Variants in USP4 observed in about 807,000 individuals in gnomAD.
USP4 encodes ubiquitin specific peptidase 4, also known as ubiquitin carboxyl-terminal hydrolase 4.
Under a neutral mutation model 118.2 loss-of-function variants are expected in USP4, and 72 were observed. The observed-to-expected ratio is 0.61, with a 90% CI of 0.50 to 0.74. The LOEUF (loss-of-function observed/expected upper bound fraction) is 0.74. Ranked by LOEUF, USP4 falls within the 30% of genes least tolerant of loss-of-function variation. The probability of loss-of-function intolerance (pLI) is 0.00; values close to 1 mark genes in which losing one functional copy is unlikely to be tolerated. For synonymous variants in USP4, 415 were observed against 440.4 expected (o/e 0.94, Z 0.72); for missense variants, 1,037 against 1,185.7 (o/e 0.87, Z 1.84).
intron 19 of USP4, 42 bp from the exon 20 acceptor site, chr3:49,280,889 CCAAA>C (rs780032222): frequency 1.1e-4 from 166 of 1,572,210 alleles, no homozygotes; most frequent in Non-Finnish European, 1.4e-4. Flanking sequence ...TATGTTAAAC[CCAAA>C]CAAAGTAGTT....
chr3:49,338,936 A>C (rs1298107651), intron 1 of USP4, among the ~76,000 whole-genome samples: 1 of 152,132 alleles, frequency 6.6e-6, no homozygotes, highest in East Asian at 1.9e-4. Context: ...TCATAAGGTC[A>C]AGAGTTTGAG....
Position 49,300,584 on chromosome 3 carries a change from A to G in USP4, c.1395T>C (p.Ala465=). The G allele has an allele frequency of 6.2e-7, 1 of 1,614,256 alleles. No individual in the cohort carries two copies. Among genetic ancestry groups the G allele is most frequent in the Non-Finnish European group, 8.5e-7 (1 of 1,180,048 alleles). Residue 465 remains alanine (A), a synonymous_variant, in exon 11 of 22, where the codon GCT becomes GCC. Transcript: ENST00000265560. ...ATGGGTCAAAGGTCACAGAAACCTT[A>G]GCACATTCTGGGCAAACCAAAGTAG... The part of the protein sequence containing the change: ...FKSTLVCPEC[A]KVSVTFDPFC...
chr3:49,282,972 T>C (rs1168596681), intron 19 of USP4, among the ~76,000 whole-genome samples: 1 of 149,486 alleles, frequency 6.7e-6, no homozygotes, highest in African/African-American at 2.5e-5. Flanking sequence ...CCTCCCACAG[T>C]GCTGGGATTA....
At chr3:49,291,472 G>A (rs1352349927) in intron 15 of USP4, among the ~76,000 whole-genome samples, 1 of 151,556 alleles carries the variant, frequency 6.6e-6, no homozygotes, top group East Asian at 2.0e-4. Flanking sequence ...CTACTTGGGA[G>A]GCTGAGGTAG....
intron 6 of USP4, among the ~76,000 whole-genome samples, chr3:49,313,579 G>A (rs2047408218): frequency 2.0e-5 from 3 of 151,964 alleles, no homozygotes; most frequent in Admixed American, 2.0e-4. Flanking sequence ...CAAAAAGGCT[G>A]GATGCAAATT....
In USP4 at chr3:49,300,674, G is replaced by C; in HGVS notation, c.1305C>G (p.Ala435=). 3 of 1,614,082 alleles carry C rather than the reference G, an allele frequency of 1.9e-6. No individual in the cohort carries two copies. The South Asian group carries it at 3.3e-5, about 18-fold the overall frequency. ...CATTCCTCAACCTGTGATTCTCCCA[G>C]GCTTCCTTTGCCACCACCTGCGTCA... The part of the protein sequence containing the change: ...GRPDAVVAKE[A]WENHRLRNDS... Residue 435 remains alanine (A), a synonymous_variant, in exon 11 of 22, where the codon GCC becomes GCG. Coordinates refer to ENST00000265560, the MANE Select transcript of USP4 (RefSeq NM_003363.4).
At chr3:49,285,006 C>T (rs968876545) in intron 16 of USP4, 87 bp from the exon 17 acceptor site, 1 of 959,348 alleles carries the variant, frequency 1.0e-6, no homozygotes, top group African/African-American at 1.6e-5. Flanking sequence ...GGACCACACT[C>T]AGGCCACACC....
chr3:49,282,279 AT>A (rs922185113), intron 19 of USP4, among the ~76,000 whole-genome samples: 200 of 147,164 alleles, frequency 1.4e-3, no homozygotes, highest in African/African-American at 2.8e-3. Context: ...AAGATAAAGA[AT>A]TTTTTTTTTT....
At chr3:49,318,922 AAAAC>A (rs1317427723) in intron 6 of USP4, 2 of 151,654 alleles carry the variant, frequency 1.3e-5, no homozygotes, top group Non-Finnish European at 2.9e-5. Context: ...AAAAAAAAAA[AAAAC>A]AAACCACCAT....
At chr3:49,289,122 AC>A (rs1365713909) in intron 15 of USP4, among the ~76,000 whole-genome samples, 4 of 152,050 alleles carry the variant, frequency 2.6e-5, no homozygotes. Flanking sequence ...AAACAAAAAA[AC>A]CTTTGTGCTT....
rs539165473 is a variant in USP4, at chr3:49,339,178, C to T, written c.101+746G>A. ...AAAACAAAACAAACAAGATGGGTAA[C>T]AATCATACTCGATGCAAAGTCTAGC... is the stretch of plus-strand genomic sequence containing the variant. On this transcript the variant is annotated intron_variant, in intron 1 of 21. Coordinates refer to ENST00000265560, the MANE Select transcript of USP4 (RefSeq NM_003363.4). 3.3e-5 allele frequency among the ~76,000 whole-genome samples: 5 copies of T among 152,236 alleles called. No homozygotes were observed. The South Asian group carries it at 1.0e-3, about 32-fold the overall frequency.
At chr3:49,317,309 C>CGT in intron 6 of USP4, 1 of 1,423,714 alleles carries the variant, frequency 7.0e-7, no homozygotes, top group Non-Finnish European at 9.8e-7. Context: ...GCCAGCTTCT[C>CGT]TGTCAGCTGC....
intron 10 of USP4, 25 bp downstream of exon 10, chr3:49,302,359 C>T: frequency 1.9e-6 from 3 of 1,608,102 alleles, no homozygotes; most frequent in Non-Finnish European, 1.7e-6. Context: ...GGCATATTAT[C>T]ATTCAGACAT....
At chr3:49,285,385 G>A in intron 16 of USP4, among the ~76,000 whole-genome samples, 1 of 152,112 alleles carries the variant, frequency 6.6e-6, no homozygotes, top group Non-Finnish European at 1.5e-5. Context: ...GGAGAGAGGG[G>A]AAGATTAAGC....
rs561679598 is a variant in USP4 at position 49,313,483 on chromosome 3, G to A, written c.696-1829C>T. 3.0e-4 allele frequency among the ~76,000 whole-genome samples: 46 copies of A among 152,028 alleles called. 1 individual carries two copies. Among genetic ancestry groups the A allele is most frequent in the Admixed American group, 2.4e-3 (36 of 15,240 alleles). On this transcript the variant is annotated intron_variant, in intron 6 of 21. Coordinates refer to ENST00000265560, the MANE Select transcript of USP4 (RefSeq NM_003363.4). Reference sequence around the variant, plus strand: ...GCGGAGGTTGTAGTGGGCCGAGATCGTGCCATTGCATTCCAGCCTGGGCAA... The same window carrying A: ...GCGGAGGTTGTAGTGGGCCGAGATCATGCCATTGCATTCCAGCCTGGGCAA...
chr3:49,317,542 GTTT>G (rs71077785), intron 6 of USP4: 1,749 of 501,924 alleles, frequency 3.5e-3, no homozygotes, highest in East Asian at 6.2e-3. Flanking sequence ...TTGTTTGTTT[GTTT>G]TTTTTTTTTT....
intron 6 of USP4, chr3:49,317,612 G>T (rs1559476078): frequency 1.7e-6 from 1 of 584,082 alleles, no homozygotes; most frequent in East Asian, 2.9e-5. Context: ...CGTGATATCG[G>T]CTCACTGCAT....
Position 49,284,851 on chromosome 3 carries a change from C to T in USP4, c.2269G>A (p.Glu757Lys). The change falls in exon 17 of 22, where the codon GAG becomes AAG. Residue 757 changes from glutamate (E) to lysine (K), a missense_variant and splice_region_variant. Coordinates refer to ENST00000265560, the MANE Select transcript of USP4 (RefSeq NM_003363.4). ...RRLYYDEQES[E>K]AYEKHVSMLQ... ...ACCACGAACCCCGAGGGACCTACCT[C>T]AGATTCTTGCTCATCATAGTAAAGT... The T allele has an allele frequency of 1.2e-6, 2 of 1,613,784 alleles. No homozygotes were observed. The highest frequency in any genetic ancestry group is 1.7e-6 in the Non-Finnish European group (2 of 1,179,790).
intron 13 of USP4, among the ~76,000 whole-genome samples, chr3:49,295,155 G>C (rs1242514034): frequency 1.3e-5 from 2 of 151,916 alleles, no homozygotes; most frequent in Non-Finnish European, 2.9e-5. Context: ...CGGGCATGGT[G>C]GTGGGCACCT....
Sources: gnomAD v4.1 joint callset for allele counts (sites outside exome capture counted in the v4.1 genomes callset) on GRCh38, gnomAD v4.1.1 for gene constraint, MANE v1.5 for transcripts, NCBI Gene and HGNC (gene_info 2026-07-23, HGNC 2026-07-21) for gene names.